The following TGM3 variants were observed in gnomAD, a reference collection of about 807,000 sequenced individuals.
The protein encoded by TGM3 is transglutaminase 3.
Under a neutral mutation model 73.8 loss-of-function variants are expected in TGM3, and 52 were observed. The ratio of observed to expected loss-of-function variants is 0.70; its 90% CI spans 0.56 to 0.89. TGM3 has a LOEUF of 0.89. Among genes scored for constraint, TGM3 ranks in the 40% least tolerant of loss-of-function variants. The probability of loss-of-function intolerance (pLI) is 0.00; values close to 1 mark genes in which losing one functional copy is unlikely to be tolerated. For synonymous variants in TGM3, 372 were observed against 354.9 expected, an observed-to-expected ratio of 1.05 and a Z score of -0.54; for missense variants, 928 against 909.9, an observed-to-expected ratio of 1.02 and a Z score of -0.26.
chr20:2,332,273 G>C lies in TGM3; in HGVS notation c.1605G>C (p.Trp535Cys). The change falls in exon 10 of 13, where the codon TGG becomes TGC. Residue 535 changes from tryptophan to cysteine, a missense_variant. By Grantham distance (215) the Trp-to-Cys change is radical. Transcript: ENST00000381458. This position sits in a 1 kb window ranked among gnomAD's most constrained non-coding sequence, Gnocchi z 4.4. ...ACGGCACGCTTGTACATGAAGTGTG[G>C]AAGGACTCTGCCACAATGTCCCTGG... is the stretch of plus-strand genomic sequence containing the variant. ...IYNGTLVHEV[W>C]KDSATMSLDP... The C allele has an allele frequency of 6.2e-7, 1 of 1,611,532 alleles. No individual in the cohort carries two copies. Among genetic ancestry groups the C allele is most frequent in the Non-Finnish European group, 8.5e-7 (1 of 1,178,422 alleles).
Position 2,339,931 on chromosome 20 carries a change from G to C in TGM3, c.1878G>C (p.Arg626Ser). The change falls in exon 12 of 13, where the codon AGG (arginine) becomes AGC (serine). Residue 626 changes from arginine to serine, a missense_variant. Arg to Ser is a moderately radical substitution (Grantham distance 110, BLOSUM62 -1). Transcript: ENST00000381458. ...LFSNPLDEPV[R>S]DCVLMVEGSG... is the part of the protein sequence containing the mutation. ...CCAATCCACTGGATGAGCCGGTGAG[G>C]GACTGCGTGCTGATGGTGGAGGGAA... is the stretch of plus-strand genomic sequence containing the variant. 6.2e-7 allele frequency: 1 copy of C among 1,613,806 alleles called. No individual in the cohort carries two copies.
At chr20:2,319,164 C>A (rs1052299685) in intron 7 of TGM3, among the ~76,000 whole-genome samples, 2 of 152,178 alleles carry the variant, frequency 1.3e-5, no homozygotes, top group African/African-American at 4.8e-5. Flanking sequence ...CCATCGCAAC[C>A]AGCTCTGATC....
Position 2,334,557 on chromosome 20 carries a change from C to T in TGM3, c.1643-559C>T, listed in dbSNP as rs1436447206. On this transcript the variant is annotated intron_variant, in intron 10 of 12. Coordinates refer to ENST00000381458, the MANE Select transcript of TGM3 (RefSeq NM_003245.4). This position sits in a 1 kb window ranked among gnomAD's most constrained non-coding sequence, Gnocchi z 4.0. ...CCTAAGCGTTTGTTTAGCCAATACCCTGGCTTCCCTTCCTACCTATTATTG... is the reference window on the plus strand; with the variant it reads ...CCTAAGCGTTTGTTTAGCCAATACCTTGGCTTCCCTTCCTACCTATTATTG... Among the ~76,000 whole-genome samples, 1 of 152,162 alleles carries T rather than the reference C, an allele frequency of 6.6e-6. No homozygotes were observed. Among genetic ancestry groups the T allele is most frequent in the African/African-American group, 2.4e-5 (1 of 41,436 alleles).
chr20:2,298,892 C>G (rs1246122407), intron 1 of TGM3, among the ~76,000 whole-genome samples: 1 of 152,136 alleles, frequency 6.6e-6, no homozygotes, highest in Non-Finnish European at 1.5e-5. Context: ...GAAATGAGGA[C>G]CAGCTGCCTC....
rs539731417 is a variant in TGM3, at chr20:2,332,415, G to C, written c.1642+105G>C. ...GCTCCAGGTTAGTCAGCTACGAATG[G>C]AGCAGCCAGCGGCCCCTGTGGTTAA... On this transcript the variant is annotated intron_variant, in intron 10 of 12. Transcript: ENST00000381458. The surrounding 1 kb of genome is among the most constrained non-coding windows in gnomAD (Gnocchi z 4.4). 8.8e-7 allele frequency: 1 copy of C among 1,131,046 alleles called. No individual in the cohort carries two copies. The highest frequency in any genetic ancestry group is 1.6e-5 in the South Asian group (1 of 60,868). 70.1% of individuals were successfully genotyped at this position (1,131,046 alleles called of 1,614,324 possible). A position where few individuals can be genotyped will look rare whatever the true frequency, so the allele number is the denominator to read the frequency against.
chr20:2,327,451 T>G (rs6417528), intron 8 of TGM3, among the ~76,000 whole-genome samples: 27,379 of 152,074 alleles, frequency 0.18, 4,191 homozygotes, highest in African/African-American at 0.42. Flanking sequence ...CACTCCAGAC[T>G]GGGCGACAGA....
At chr20:2,335,318 C>G (rs2084343909) in intron 11 of TGM3, 45 bp downstream of exon 11, 1 of 1,608,516 alleles carries the variant, frequency 6.2e-7, no homozygotes. Context: ...TGCCCCCAGC[C>G]AGCCCAGCTC....
chr20:2,328,236 TACG>T lies in TGM3; in HGVS notation c.1207_1209del (p.Asp403del), dbSNP rs771551455. 4.3e-6 allele frequency: 7 copies of T among 1,614,194 alleles called. No homozygotes were observed. Among genetic ancestry groups the T allele is most frequent in the South Asian group, 2.2e-5 (2 of 91,084 alleles). Reference sequence around the variant, plus strand: ...TAATGCCGACCGCATCACCTGGCTGTACGACAACACCACTGGCAAACAGTGGAA... The same window carrying T: ...TAATGCCGACCGCATCACCTGGCTGTACAACACCACTGGCAAACAGTGGAA... On this transcript the variant is annotated inframe_deletion, in exon 9 of 13. Coordinates refer to ENST00000381458, the MANE Select transcript of TGM3 (RefSeq NM_003245.4). The surrounding 1 kb of genome is among the most constrained non-coding windows in gnomAD (Gnocchi z 5.2).
At chr20:2,340,363 G>T in intron 12 of TGM3, 71 bp from the exon 13 acceptor site, 1 of 1,589,672 alleles carries the variant, frequency 6.3e-7, no homozygotes, top group Non-Finnish European at 8.6e-7. Flanking sequence ...AGGACAGGAG[G>T]TCACAGGAGG....
chr20:2,297,290 T>A (rs904201404), intron 1 of TGM3, among the ~76,000 whole-genome samples: 16 of 152,192 alleles, frequency 1.1e-4, no homozygotes, highest in African/African-American at 3.9e-4. Flanking sequence ...GCACATAACA[T>A]CTGGAACATA....
At chr20:2,326,675 C>G (rs577235361) in intron 8 of TGM3, among the ~76,000 whole-genome samples, 1 of 152,100 alleles carries the variant, frequency 6.6e-6, no homozygotes, top group Admixed American at 6.5e-5. Context: ...ATGGTGAAAC[C>G]CCGTCTCTAG....
chr20:2,319,082 T>G (rs1198555917), intron 7 of TGM3, among the ~76,000 whole-genome samples: 1 of 152,244 alleles, frequency 6.6e-6, no homozygotes, highest in Non-Finnish European at 1.5e-5. Context: ...GTGGCCAGAC[T>G]TTGTTTTCCA....
At chr20:2,323,175 C>T (rs1348064311) in intron 7 of TGM3, among the ~76,000 whole-genome samples, 5 of 152,022 alleles carry the variant, frequency 3.3e-5, no homozygotes, top group African/African-American at 1.2e-4. Context: ...AGCAGTATAC[C>T]CTGAACCCAA....
At chr20:2,322,071 C>A (rs893809216) in intron 7 of TGM3, among the ~76,000 whole-genome samples, 1 of 151,966 alleles carries the variant, frequency 6.6e-6, no homozygotes. Flanking sequence ...CACCTGGGAC[C>A]ATCTTCCCAC....
At position 2,317,204 on chromosome 20, in the gene TGM3, G is replaced by A. The variant is rs150052126; in HGVS notation, c.806G>A (p.Arg269Gln). The A allele has an allele frequency of 1.9e-5, 31 of 1,614,166 alleles. No individual in the cohort carries two copies. In the African/African-American group the frequency reaches 3.3e-4, roughly 17 times the overall value. Residue 269 changes from arginine to glutamine, a missense_variant, in exon 6 of 13, where the codon CGA becomes CAA. Coordinates refer to ENST00000381458, the MANE Select transcript of TGM3 (RefSeq NM_003245.4). ...NWKKSGFSPV[R>Q]YGQCWVFAGT... ...AAAAAATCTGGCTTCAGCCCAGTCC[G>A]ATATGGCCAGTGCTGGGTCTTTGCT... is the stretch of plus-strand genomic sequence containing the variant.
chr20:2,322,100 T>C lies in TGM3; in HGVS notation c.984-3749T>C, dbSNP rs143693327. On this transcript the variant is annotated intron_variant, in intron 7 of 12. Transcript: ENST00000381458. Reference sequence around the variant, plus strand: ...TTCCCACACTCCTTCCCTTGCCTTCTCCTTGGTGAGTTCTAACCGATCATG... The same window carrying C: ...TTCCCACACTCCTTCCCTTGCCTTCCCCTTGGTGAGTTCTAACCGATCATG... 7.9e-5 allele frequency among the ~76,000 whole-genome samples: 12 copies of C among 152,104 alleles called. No homozygotes were observed. In the East Asian group the frequency reaches 2.3e-3, roughly 29 times the overall value.
Position 2,312,881 on chromosome 20 carries a change from G to A in TGM3, c.541-17G>A. The stretch of plus-strand genomic sequence containing the variant: ...TGTCATTTCTTTAATTGTAATGTAT[G>A]GTCTCGTTCTGAACAGTTTGAAGAA... On this transcript the variant is annotated splice_polypyrimidine_tract_variant and intron_variant, in intron 4 of 12. Coordinates refer to ENST00000381458, the MANE Select transcript of TGM3 (RefSeq NM_003245.4). 6.2e-7 allele frequency: 1 copy of A among 1,613,832 alleles called. No individual in the cohort carries two copies. Among genetic ancestry groups the A allele is most frequent in the East Asian group, 2.2e-5 (1 of 44,862 alleles).
At chr20:2,308,885 T>TC (rs1456089438) in intron 1 of TGM3, among the ~76,000 whole-genome samples, 4 of 151,664 alleles carry the variant, frequency 2.6e-5, no homozygotes, top group Admixed American at 6.6e-5. Context: ...AGTTCTTTTT[T>TC]TTTTTTTTTG....
chr20:2,298,290 G>A (rs1383619716), intron 1 of TGM3, among the ~76,000 whole-genome samples: 1 of 152,178 alleles, frequency 6.6e-6, no homozygotes, highest in Non-Finnish European at 1.5e-5. Flanking sequence ...GCCTGGCAGT[G>A]ATCCGCACCA....
Sources: allele counts gnomAD v4.1 joint callset (sites outside exome capture counted in the v4.1 genomes callset), GRCh38; gene constraint gnomAD v4.1.1; non-coding constraint Gnocchi (gnomAD v3.1); transcripts MANE v1.5; gene names NCBI Gene and HGNC (gene_info 2026-07-23, HGNC 2026-07-21).